Variants in ETHE1 observed in about 807,000 individuals in gnomAD.
ETHE1 encodes ETHE1 persulfide dioxygenase, also known as persulfide dioxygenase ETHE1, mitochondrial.
ETHE1 carries 16 observed loss-of-function variants against 25.7 expected under a neutral mutation model. That is an observed-to-expected ratio of 0.62 (90% CI 0.42 to 0.95). The LOEUF (loss-of-function observed/expected upper bound fraction) is 0.95. Among genes scored for constraint, ETHE1 ranks in the 40% least tolerant of loss-of-function variants. ETHE1 has a pLI of 0.00. For missense variants in ETHE1, 300 were observed against 333.6 expected (o/e 0.90, Z 0.79); for synonymous variants, 139 against 135.9 (o/e 1.02, Z -0.16).
chr19:43,527,001 G>A, intron 1 of ETHE1, 96 bp downstream of exon 1: 1 of 1,535,498 alleles, frequency 6.5e-7, no homozygotes, highest in Non-Finnish European at 8.7e-7. Context: ...GCAGGCGTGG[G>A]TCCCCCCGGA....
At position 43,512,631 on chromosome 19, in the gene ETHE1, G is replaced by T. The variant is rs143573193; in HGVS notation, c.376-1065C>A. On this transcript the variant is annotated intron_variant, in intron 3 of 6. Coordinates refer to ENST00000292147, the MANE Select transcript of ETHE1 (RefSeq NM_014297.5). ...AGAGGTGACTTGAGTGCTGTTAAAA[G>T]CATTCACTTCAGTTTTATGTATTCA... Among the ~76,000 whole-genome samples the T allele has an allele frequency of 4.0e-3, 609 of 152,222 alleles. 6 individuals carry two copies. The highest frequency in any genetic ancestry group is 0.013 in the African/African-American group (554 of 41,544).
chr19:43,511,870 A>G (rs760451586), intron 3 of ETHE1, among the ~76,000 whole-genome samples: 49 of 152,174 alleles, frequency 3.2e-4, no homozygotes, highest in Non-Finnish European at 7.1e-4. Context: ...CTTGAATTGT[A>G]GCTCCCATAA....
intron 3 of ETHE1, among the ~76,000 whole-genome samples, chr19:43,520,915 A>C (rs1056655453): frequency 6.6e-6 from 1 of 152,072 alleles, no homozygotes; most frequent in African/African-American, 2.4e-5. Flanking sequence ...ATTCTAAGGG[A>C]CCTGGGGGAT....
intron 3 of ETHE1, among the ~76,000 whole-genome samples, chr19:43,517,826 T>C (rs975296663): frequency 2.7e-5 from 4 of 150,440 alleles, no homozygotes; most frequent in African/African-American, 9.8e-5. Context: ...GGCACATGCC[T>C]ATAGTCCCAG....
chr19:43,513,732 T>C (rs1395825979), intron 3 of ETHE1, among the ~76,000 whole-genome samples: 2 of 151,682 alleles, frequency 1.3e-5, no homozygotes, highest in African/African-American at 2.4e-5. Flanking sequence ...GATTTTTTTT[T>C]TTTTTTGGAG....
At chr19:43,508,973 T>G (rs1399225628) in intron 4 of ETHE1, 109 bp from the exon 5 acceptor site, 8 of 838,490 alleles carry the variant, frequency 9.5e-6, no homozygotes, top group Non-Finnish European at 1.4e-5. Context: ...AACCCTCTCC[T>G]TCGTGTCCTG....
chr19:43,510,571 G>A (rs1000241584), intron 4 of ETHE1, among the ~76,000 whole-genome samples: 2 of 150,670 alleles, frequency 1.3e-5, no homozygotes, highest in African/African-American at 4.9e-5. Flanking sequence ...CTGACCTCAT[G>A]ATCCACCTGC....
At chr19:43,518,322 G>A (rs1381248125) in intron 3 of ETHE1, among the ~76,000 whole-genome samples, 2 of 151,118 alleles carry the variant, frequency 1.3e-5, no homozygotes, top group African/African-American at 4.9e-5. Flanking sequence ...ATTGAGACCA[G>A]CCTGGGCAAC....
In ETHE1 at chr19:43,526,358, G is replaced by C. The variant is rs199921503; in HGVS notation, c.227-9C>G. On this transcript the variant is annotated splice_polypyrimidine_tract_variant and intron_variant, in intron 2 of 6. Transcript: ENST00000292147. ...GTGGCAGTGGGTATTCACTGGGAGA[G>C]AGAGGAGGGACAGGTCCGGAGGGTA... 3.4e-3 allele frequency: 5,518 copies of C among 1,614,132 alleles called. 16 individuals are homozygous for C. Among genetic ancestry groups the C allele is most frequent in the Non-Finnish European group, 3.7e-3 (4,368 of 1,179,994 alleles).
At chr19:43,517,873 T>G (rs1477035449) in intron 3 of ETHE1, among the ~76,000 whole-genome samples, 1 of 151,086 alleles carries the variant, frequency 6.6e-6, no homozygotes, top group Non-Finnish European at 1.5e-5. Flanking sequence ...TTGCTTGAAC[T>G]TGGGAGGCAG....
intron 5 of ETHE1, 94 bp downstream of exon 5, chr19:43,508,681 G>T: frequency 9.3e-7 from 1 of 1,077,318 alleles, no homozygotes; most frequent in South Asian, 1.3e-5. Flanking sequence ...AAATTTCTGA[G>T]ACTGGTCGTC....
At chr19:43,509,885 C>T (rs1382187863) in intron 4 of ETHE1, among the ~76,000 whole-genome samples, 1 of 152,162 alleles carries the variant, frequency 6.6e-6, no homozygotes, top group Non-Finnish European at 1.5e-5. Flanking sequence ...CCACAAGCAG[C>T]TCTGAGTCCT....
intron 3 of ETHE1, among the ~76,000 whole-genome samples, chr19:43,521,199 G>A (rs540940635): frequency 7.9e-5 from 12 of 152,194 alleles, no homozygotes; most frequent in African/African-American, 1.7e-4. Flanking sequence ...AGATGTGGTG[G>A]TGCGCACCTG....
intron 3 of ETHE1, among the ~76,000 whole-genome samples, chr19:43,511,918 T>C (rs117682082): frequency 4.6e-5 from 7 of 152,164 alleles, no homozygotes; most frequent in East Asian, 3.9e-4. Flanking sequence ...CAGGAGGTAA[T>C]TGAATAATGG....
rs1442758927 is a variant in ETHE1, at chr19:43,526,629, A to C, written c.112T>G (p.Tyr38Asp). Residue 38 changes from tyrosine to aspartate, a missense_variant, in exon 2 of 7, where the codon TAC (tyrosine) becomes GAC (aspartate). Physicochemically the swap from Tyr to Asp is radical, Grantham distance 160. Transcript: ENST00000292147. ...CGGGACTCTCTGTCACCCAGCAGGT[A>C]CGTGAAGGTGCAGCTCACAGGCTCG... ...MFEPVSCTFT[Y>D]LLGDRESREA... is the part of the protein sequence containing the mutation. 6.2e-7 allele frequency: 1 copy of C among 1,613,906 alleles called. No homozygotes were observed. Among genetic ancestry groups the C allele is most frequent in the African/African-American group, 1.3e-5 (1 of 74,910 alleles).
At chr19:43,513,424 G>A (rs1298004209) in intron 3 of ETHE1, among the ~76,000 whole-genome samples, 1 of 152,140 alleles carries the variant, frequency 6.6e-6, no homozygotes, top group Non-Finnish European at 1.5e-5. Flanking sequence ...CAAAGCCAGA[G>A]GGGCAGAGCT....
At chr19:43,525,376 T>A (rs560476847) in intron 3 of ETHE1, 1 of 152,388 alleles carries the variant, frequency 6.6e-6, no homozygotes, top group South Asian at 2.1e-4. Flanking sequence ...TCAAATGAAC[T>A]GTCCCTATTT....
intron 3 of ETHE1, among the ~76,000 whole-genome samples, chr19:43,522,701 G>A (rs890544374): frequency 3.3e-5 from 5 of 152,074 alleles, no homozygotes; most frequent in African/African-American, 7.2e-5. Context: ...GGCTGGTCTC[G>A]AACTCCTGAC....
intron 6 of ETHE1, 149 bp downstream of exon 6, chr19:43,507,785 CAGCCTCTCCT>C: frequency 2.3e-6 from 1 of 439,394 alleles, no homozygotes. Flanking sequence ...TCCAGGCCCC[CAGCCTCTCCT>C]CCCTCAGACC....
Sources: gnomAD v4.1 joint callset for allele counts (sites outside exome capture counted in the v4.1 genomes callset) on GRCh38, gnomAD v4.1.1 for gene constraint, MANE v1.5 for transcripts, NCBI Gene and HGNC (gene_info 2026-07-23, HGNC 2026-07-21) for gene names.